CTBP2: variants seen among roughly 807,000 people sequenced by gnomAD.
CTBP2 encodes C-terminal binding protein 2.
A neutral mutation model predicts 80.3 loss-of-function variants in CTBP2; 30 were observed. That is an observed-to-expected ratio of 0.37 (90% confidence interval 0.28 to 0.51). CTBP2 has a LOEUF of 0.51. Ranked by LOEUF, CTBP2 falls within the 20% of genes least tolerant of loss-of-function variation. The pLI is 0.93. For missense variants in CTBP2, 1,212 were observed against 1,375.3 expected (o/e 0.88, Z 1.88); for synonymous variants, 594 against 587.4 (o/e 1.01, Z -0.16).
intron 3 of CTBP2, among the ~76,000 whole-genome samples, chr10:125,033,645 T>C (rs1358810975): frequency 1.3e-5 from 2 of 152,110 alleles, no homozygotes; most frequent in Non-Finnish European, 2.9e-5. Context: ...TGGGGCCTCC[T>C]CCAAACACGG....
chr10:124,988,720 C>A lies in CTBP2; in HGVS notation c.*798G>T, dbSNP rs903769008. 1.3e-5 allele frequency: 2 copies of A among 152,498 alleles called. No homozygotes were observed. The highest frequency in any genetic ancestry group is 4.8e-5 in the African/African-American group (2 of 41,404). 9.4% of individuals were successfully genotyped at this position (152,498 alleles called of 1,614,324 possible). A position where few individuals can be genotyped will look rare whatever the true frequency, so the allele number is the denominator to read the frequency against. ...CTAAAAAAGTGGGTTTGTTCATAGA[C>A]AATCTGACAAGTTACCATAAAAAGT... is the stretch of plus-strand genomic sequence containing the variant. On this transcript the variant is annotated 3_prime_UTR_variant, in exon 9 of 9. Coordinates refer to ENST00000309035, the MANE Select transcript of CTBP2 (RefSeq NM_022802.3).
rs1589920137 is a variant in CTBP2, at chr10:124,994,478, G to C, written c.2391C>G (p.Thr797=). Residue 797 remains threonine (T), a synonymous_variant, in exon 5 of 9, where the codon ACC becomes ACG. Transcript: ENST00000309035. Reference sequence around the variant, plus strand: ...TCTATTTTCAAATTACCTGCTTTATGGTAAAGTCATTGATGAGGTGGTGGT... The same window carrying C: ...TCTATTTTCAAATTACCTGCTTTATCGTAAAGTCATTGATGAGGTGGTGGT... The C allele has an allele frequency of 3.1e-6, 5 of 1,613,790 alleles. No homozygotes were observed. In the African/African-American group the frequency reaches 4.0e-5, roughly 13 times the overall value.
intron 2 of CTBP2, among the ~76,000 whole-genome samples, chr10:125,090,333 G>T (rs1303435519): frequency 7.0e-6 from 1 of 142,644 alleles, no homozygotes; most frequent in African/African-American, 2.7e-5. Flanking sequence ...GCTGAAACAT[G>T]AAACAGTGAA....
intron 2 of CTBP2, among the ~76,000 whole-genome samples, chr10:125,083,498 G>A (rs1847494605): frequency 6.6e-6 from 1 of 152,144 alleles, no homozygotes; most frequent in Admixed American, 6.5e-5. Context: ...TCAGTCGCCT[G>A]TCTACAAAAA....
At chr10:125,161,218 CG>C (rs1243456073), upstream of CTBP2, 2 of 150,916 alleles carry the variant, frequency 1.3e-5, no homozygotes, top group Non-Finnish European at 2.9e-5. Context: ...GCGCGGCGGG[CG>C]GGAGGGCCAG....
upstream of CTBP2, among the ~76,000 whole-genome samples, chr10:125,031,382 G>A (rs1031070000): frequency 3.3e-5 from 5 of 150,866 alleles, no homozygotes; most frequent in Non-Finnish European, 7.4e-5. Flanking sequence ...CCAGCTACTC[G>A]GGAGGCTGAG....
intron 1 of CTBP2, among the ~76,000 whole-genome samples, chr10:125,152,092 G>A (rs1269584661): frequency 1.3e-5 from 2 of 152,142 alleles, no homozygotes; most frequent in East Asian, 3.9e-4. Context: ...GGGGGGAAGA[G>A]GGCACAGCTG....
In CTBP2 at chr10:125,066,231, G is replaced by A. The variant is rs1844611005; in HGVS notation, c.-101-27076C>T. ...CACAGCTTCTGTTAACATGGCGATG[G>A]CTAGGCACAGGCAGCCACCCCTCTA... On this transcript the variant is annotated intron_variant, in intron 2 of 10. Coordinates refer to the CTBP2 transcript ENST00000337195. This position sits in a 1 kb window ranked among gnomAD's most constrained non-coding sequence, Gnocchi z 4.1. 6.6e-6 allele frequency among the ~76,000 whole-genome samples: 1 copy of A among 152,068 alleles called. No individual in the cohort carries two copies. The highest frequency in any genetic ancestry group is 2.1e-4 in the South Asian group (1 of 4,828).
intron 1 of CTBP2, among the ~76,000 whole-genome samples, chr10:125,154,647 G>C (rs566339108): frequency 4.2e-4 from 29 of 68,628 alleles, no homozygotes; most frequent in African/African-American, 2.8e-3. Flanking sequence ...ACCGAGTGTC[G>C]TTGCTAAAAA....
chr10:125,072,373 G>A (rs562842314), intron 2 of CTBP2, among the ~76,000 whole-genome samples: 65 of 152,222 alleles, frequency 4.3e-4, no homozygotes, highest in African/African-American at 1.4e-3. Flanking sequence ...CCAGCATTTT[G>A]AGAGGCCAAG....
chr10:125,102,981 G>A (rs1850869600), intron 2 of CTBP2, among the ~76,000 whole-genome samples: 2 of 152,196 alleles, frequency 1.3e-5, no homozygotes, highest in Admixed American at 6.5e-5. Flanking sequence ...GGAGAGTACA[G>A]CTGGGTCCCC....
intron 8 of CTBP2, among the ~76,000 whole-genome samples, chr10:124,992,209 C>CTTTTTT (rs61400691): frequency 2.0e-4 from 21 of 102,506 alleles, no homozygotes; most frequent in South Asian, 3.7e-4. Context: ...TTGAGAAGCC[C>CTTTTTT]TTTTTTTTTT....
chr10:125,044,205 C>T (rs1486192248), intron 2 of CTBP2, among the ~76,000 whole-genome samples: 2 of 152,246 alleles, frequency 1.3e-5, no homozygotes, highest in African/African-American at 4.8e-5. Context: ...CCGCAGCCTA[C>T]AGGGCCTCTC....
At chr10:125,008,123 T>C (rs1955464647) in intron 1 of CTBP2, among the ~76,000 whole-genome samples, 1 of 152,142 alleles carries the variant, frequency 6.6e-6, no homozygotes, top group East Asian at 1.9e-4. Context: ...ATTTTGTATT[T>C]TTAGCAGAGA....
chr10:125,149,800 C>T (rs1051292962), intron 1 of CTBP2, among the ~76,000 whole-genome samples: 12 of 152,372 alleles, frequency 7.9e-5, no homozygotes, highest in East Asian at 7.7e-4. Context: ...TCACCTGCTC[C>T]GGGTACTCTT....
At chr10:125,081,358 C>T (rs1267461876) in intron 2 of CTBP2, among the ~76,000 whole-genome samples, 2 of 152,198 alleles carry the variant, frequency 1.3e-5, no homozygotes, top group Non-Finnish European at 2.9e-5. Flanking sequence ...TCAGTAAGAT[C>T]TGAATATTAG....
chr10:125,049,077 ACACACACACACACACGTCCACCTGAC>A (rs1486050577), intron 2 of CTBP2, among the ~76,000 whole-genome samples: 1 of 139,740 alleles, frequency 7.2e-6, no homozygotes, highest in Non-Finnish European at 1.6e-5. Flanking sequence ...ACACACACAC[ACACACACACACACACGTCCACCTGAC>A]CACACACATA....
At position 124,992,209 on chromosome 10, in the gene CTBP2, C is replaced by CTTTTTTT. The variant is rs61400691; in HGVS notation, c.2777+479_2777+485dup. On this transcript the variant is annotated intron_variant, in intron 8 of 8. Coordinates refer to ENST00000309035, the MANE Select transcript of CTBP2 (RefSeq NM_022802.3). ...CGTATACCTTTCTCTTTGAGAAGCCCTTTTTTTTTTTTTTTTTTTGGTGGT... is the reference window on the plus strand; with the variant it reads ...CGTATACCTTTCTCTTTGAGAAGCCCTTTTTTTTTTTTTTTTTTTTTTTTTTGGTGGT... Among the ~76,000 whole-genome samples, 71 of 102,514 alleles carry CTTTTTTT rather than the reference C, an allele frequency of 6.9e-4. 2 individuals are homozygous for CTTTTTTT. Among genetic ancestry groups the CTTTTTTT allele is most frequent in the Non-Finnish European group, 1.2e-3 (64 of 54,566 alleles). The allele number at this position is 102,514 out of a possible 152,430, so 67.3% of individuals were successfully genotyped here. A position where few individuals can be genotyped will look rare whatever the true frequency, so the allele number is the denominator to read the frequency against.
intron 1 of CTBP2, among the ~76,000 whole-genome samples, chr10:125,011,511 A>C (rs978033596): frequency 1.1e-4 from 16 of 152,196 alleles, no homozygotes; most frequent in African/African-American, 3.6e-4. Context: ...CTGGGTGATC[A>C]TGTTAATAAC....
Sources: allele counts gnomAD v4.1 joint callset (sites outside exome capture counted in the v4.1 genomes callset), GRCh38; gene constraint gnomAD v4.1.1; non-coding constraint Gnocchi (gnomAD v3.1); transcripts MANE v1.5; gene names NCBI Gene and HGNC (gene_info 2026-07-23, HGNC 2026-07-21).